LMLN: variants seen among roughly 807,000 people sequenced by gnomAD.
LMLN encodes leishmanolysin like peptidase.
Under a neutral mutation model 92.3 loss-of-function variants are expected in LMLN, and 70 were observed. The ratio of observed to expected loss-of-function variants is 0.76; its 90% CI spans 0.63 to 0.92. LMLN has a LOEUF of 0.92. LMLN is among the 40% of genes least tolerant of loss of function. The pLI, the probability that LMLN is intolerant of heterozygous loss-of-function variation, is 0.00. For synonymous variants in LMLN, 308 were observed against 296.2 expected (o/e 1.04, Z -0.41); for missense variants, 691 against 814.6 (o/e 0.85, Z 1.85).
intron 15 of LMLN, among the ~76,000 whole-genome samples, chr3:198,036,714 G>A (rs567355205): frequency 3.9e-5 from 6 of 152,196 alleles, no homozygotes; most frequent in South Asian, 2.1e-4. Flanking sequence ...TGAAATTGAC[G>A]GTGTTCAAAC....
intron 10 of LMLN, among the ~76,000 whole-genome samples, chr3:197,998,355 C>G (rs1722082488): frequency 6.6e-6 from 1 of 152,070 alleles, no homozygotes; most frequent in African/African-American, 2.4e-5. Flanking sequence ...TAGGTGACCA[C>G]AAAGTAACAA....
Position 197,976,710 on chromosome 3 carries a change from C to CT in LMLN, c.545dup (p.Gln183ProfsTer10). 6.7e-7 allele frequency: 1 copy of CT among 1,487,616 alleles called. No homozygotes were observed. Among genetic ancestry groups the CT allele is most frequent in the Non-Finnish European group, 9.2e-7 (1 of 1,087,192 alleles). The allele number at this position is 1,487,616 out of a possible 1,614,324, so 92.2% of individuals were successfully genotyped here. ...CCCCGTTATTGTTCCTGAGGAACAT[C>CT]TCCAGGTATTTCACCCTGCTCTTGG... On this transcript the variant is annotated frameshift_variant, in exon 5 of 16. Transcript: ENST00000330198. LOFTEE classifies it high-confidence loss of function.
At chr3:198,014,736 C>G (rs868639806) in intron 11 of LMLN, among the ~76,000 whole-genome samples, 2 of 142,462 alleles carry the variant, frequency 1.4e-5, no homozygotes, top group South Asian at 2.3e-4. Context: ...TTCAGAGCCC[C>G]CTAACTAGTC....
chr3:198,001,509 T>C (rs1283929447), intron 11 of LMLN, among the ~76,000 whole-genome samples: 1 of 152,216 alleles, frequency 6.6e-6, no homozygotes, highest in African/African-American at 2.4e-5. Context: ...CTTCTGAACC[T>C]GAGCACTGCT....
At chr3:197,999,448 C>G in intron 11 of LMLN, 106 bp downstream of exon 11, 2 of 721,332 alleles carry the variant, frequency 2.8e-6, no homozygotes, top group Non-Finnish European at 4.8e-6. Flanking sequence ...GCAAAATATA[C>G]TTATTAATTA....
At chr3:197,997,214 C>T (rs994059473) in intron 10 of LMLN, among the ~76,000 whole-genome samples, 8 of 152,086 alleles carry the variant, frequency 5.3e-5, no homozygotes, top group African/African-American at 1.9e-4. Flanking sequence ...ACTGCAGCCT[C>T]AATCTCCTGG....
intron 11 of LMLN, among the ~76,000 whole-genome samples, chr3:198,012,528 A>C (rs1234958439): frequency 6.6e-6 from 1 of 151,986 alleles, no homozygotes; most frequent in Non-Finnish European, 1.5e-5. Flanking sequence ...AACTAGTCTG[A>C]CTTCTCTCCA....
In LMLN at chr3:197,976,413, G is replaced by A. The variant is rs1721382575; in HGVS notation, c.432-185G>A. ...TGTTGGCTTTATGAAGTATTTGGGT[G>A]TTTAAAAACCCAAATCAAGAGGATT... is the stretch of plus-strand genomic sequence containing the variant. On this transcript the variant is annotated intron_variant, in intron 4 of 15. Transcript: ENST00000330198. 3 of 524,074 alleles carry A rather than the reference G, an allele frequency of 5.7e-6. No homozygotes were observed. The Admixed American group carries it at 9.4e-5, about 16-fold the overall frequency. The allele number at this position is 524,074 out of a possible 1,614,324, so 32.5% of individuals were successfully genotyped here. A position where few individuals can be genotyped will look rare whatever the true frequency, so the allele number is the denominator to read the frequency against.
chr3:198,039,299 G>A (rs1723332932), exon 16 of LMLN: 1 of 153,596 alleles, frequency 6.5e-6, no homozygotes, highest in African/African-American at 2.4e-5. Context: ...ATACAACAAT[G>A]GGAAAGTTCA....
intron 1 of LMLN, among the ~76,000 whole-genome samples, chr3:197,961,099 C>T (rs1720863985): frequency 6.6e-6 from 1 of 152,200 alleles, no homozygotes; most frequent in Non-Finnish European, 1.5e-5. Context: ...CTGAAACCAC[C>T]ACAGCGCAAT....
chr3:197,965,847 G>A (rs1274564597), intron 1 of LMLN, among the ~76,000 whole-genome samples: 1 of 152,136 alleles, frequency 6.6e-6, no homozygotes, highest in African/African-American at 2.4e-5. Flanking sequence ...CCCAGGAGGT[G>A]AAGGCTGCAG....
chr3:197,989,932 C>CT (rs757110776), intron 8 of LMLN, among the ~76,000 whole-genome samples: 1 of 152,164 alleles, frequency 6.6e-6, no homozygotes, highest in Non-Finnish European at 1.5e-5. Flanking sequence ...TGGAGTGCGG[C>CT]TGTGTGAACA....
Position 197,974,384 on chromosome 3 carries a change from A to G in LMLN, c.227A>G (p.Asn76Ser), listed in dbSNP as rs756003528. 23 of 1,576,602 alleles carry G rather than the reference A, an allele frequency of 1.5e-5. No individual in the cohort carries two copies. Among genetic ancestry groups the G allele is most frequent in the Admixed American group, 1.4e-4 (8 of 56,094 alleles). The change falls in exon 2 of 16, where the codon AAT (asparagine) becomes AGT (serine). Residue 76 changes from asparagine to serine, a missense_variant. Asn to Ser is a conservative substitution (Grantham distance 46). This residue lies in a region of LMLN where 240 missense variants were observed against 287.3 expected (regional missense o/e 0.84). Transcript: ENST00000330198. ...ATCCGTTCCTTTTTTCAGGTCATAA[A>G]TAAAGTTCATCTTAAGGCAAATCAT...
At chr3:198,038,059 C>G (rs183177143) in intron 15 of LMLN, among the ~76,000 whole-genome samples, 1 of 146,448 alleles carries the variant, frequency 6.8e-6, no homozygotes, top group South Asian at 2.2e-4. Context: ...GTTATTGATG[C>G]TCCTCTCCCT....
At chr3:198,024,255 G>T (rs557128349) in intron 13 of LMLN, among the ~76,000 whole-genome samples, 3 of 138,790 alleles carry the variant, frequency 2.2e-5, no homozygotes, top group Admixed American at 7.9e-5. Flanking sequence ...TCTCTCTGTC[G>T]CCCAGGCTGG....
intron 9 of LMLN, among the ~76,000 whole-genome samples, chr3:197,993,335 T>C (rs1282622284): frequency 1.3e-5 from 2 of 152,172 alleles, no homozygotes; most frequent in East Asian, 1.9e-4. Context: ...TGCTGTTTGC[T>C]GATGATCTTA....
intron 9 of LMLN, among the ~76,000 whole-genome samples, chr3:197,992,350 G>GAGCC (rs907988853): frequency 1.3e-5 from 2 of 152,114 alleles, no homozygotes; most frequent in Non-Finnish European, 2.9e-5. Context: ...TTACAGGCGT[G>GAGCC]AGCCACTGTG....
intron 11 of LMLN, among the ~76,000 whole-genome samples, chr3:198,016,714 C>T (rs1722651313): frequency 6.6e-6 from 1 of 152,258 alleles, no homozygotes; most frequent in African/African-American, 2.4e-5. Flanking sequence ...TATAACATCA[C>T]CTAAGACCAG....
exon 16 of LMLN, chr3:198,038,840 T>G (rs1432798488): frequency 1.8e-6 from 1 of 554,232 alleles, no homozygotes; most frequent in Non-Finnish European, 3.2e-6. Context: ...CAGCCTGTCC[T>G]CATCAGCAAC....
Sources: allele counts gnomAD v4.1 joint callset (sites outside exome capture counted in the v4.1 genomes callset), GRCh38; gene constraint gnomAD v4.1.1; regional missense constraint gnomAD v4.1.1; transcripts MANE v1.5; gene names NCBI Gene and HGNC (gene_info 2026-07-23, HGNC 2026-07-21).